PIAS1: variants seen among roughly 807,000 people sequenced by gnomAD.
PIAS1 encodes protein inhibitor of activated STAT 1.
In PIAS1, 6 loss-of-function variants were observed where a neutral mutation model predicts 71.3. That is an observed-to-expected ratio of 0.08 (90% confidence interval 0.05 to 0.17). The LOEUF (loss-of-function observed/expected upper bound fraction) is 0.17, where lower values mean the gene tolerates loss of function less well. Among genes scored for constraint, PIAS1 ranks in the 10% least tolerant of loss-of-function variants. PIAS1 has a pLI of 1.00. For synonymous variants in PIAS1, 303 were observed against 292.9 expected (o/e 1.03, Z -0.35); for missense variants, 555 against 793.6 (o/e 0.70, Z 3.61).
At chr15:68,125,165 TC>T (rs1452416473) in intron 2 of PIAS1, among the ~76,000 whole-genome samples, 2 of 152,142 alleles carry the variant, frequency 1.3e-5, no homozygotes, top group East Asian at 3.8e-4. Flanking sequence ...TCTTTTTTTT[TC>T]CCCCTGTGTA....
chr15:68,154,107 C>T (rs1380751816), intron 7 of PIAS1: 1 of 161,364 alleles, frequency 6.2e-6, no homozygotes, highest in African/African-American at 2.4e-5. Context: ...AATAATAATT[C>T]TGCCATTAAT....
chr15:68,145,542 T>C (rs1255062525), intron 4 of PIAS1, among the ~76,000 whole-genome samples: 1 of 152,120 alleles, frequency 6.6e-6, no homozygotes, highest in East Asian at 1.9e-4. Flanking sequence ...CTGAAGAAAC[T>C]AGTGCTTCTC....
intron 1 of PIAS1, among the ~76,000 whole-genome samples, chr15:68,059,071 C>A (rs1251453278): frequency 7.2e-6 from 1 of 138,170 alleles, no homozygotes; most frequent in Non-Finnish European, 1.5e-5. Context: ...GTGGCGCGAT[C>A]TCGGCGCACT....
Position 68,175,780 on chromosome 15 carries a change from T to C in PIAS1, c.1300+13T>C. ...AATGGAGTCGATGGTGAGTAGTTCT[T>C]CACAAGGAAGAGGCAGTCTCCCTAC... On this transcript the variant is annotated intron_variant, in intron 10 of 13. Coordinates refer to ENST00000249636, the MANE Select transcript of PIAS1 (RefSeq NM_016166.3). 2 of 1,590,456 alleles carry C rather than the reference T, an allele frequency of 1.3e-6. No individual in the cohort carries two copies. The highest frequency in any genetic ancestry group is 1.8e-5 in the Admixed American group (1 of 57,060).
chr15:68,067,050 T>C (rs527713755), intron 1 of PIAS1, among the ~76,000 whole-genome samples: 243 of 152,290 alleles, frequency 1.6e-3, no homozygotes, highest in Non-Finnish European at 2.4e-3. Context: ...CTTATGAGTA[T>C]GCAGACTTTG....
intron 8 of PIAS1, among the ~76,000 whole-genome samples, chr15:68,165,851 G>A (rs1049298425): frequency 2.0e-5 from 3 of 151,998 alleles, no homozygotes; most frequent in Admixed American, 6.6e-5. Context: ...TTTTAAATTT[G>A]GGAGAAAGAA....
chr15:68,141,873 GT>G (rs879062649), intron 2 of PIAS1, 72 bp from the exon 3 acceptor site: 28,104 of 610,078 alleles, frequency 0.046, 2 homozygotes, highest in East Asian at 0.093. Flanking sequence ...AGACATGTGT[GT>G]TTTTTTTTTT....
intron 1 of PIAS1, among the ~76,000 whole-genome samples, chr15:68,077,853 C>G (rs748900835): frequency 1.1e-4 from 16 of 152,234 alleles, no homozygotes; most frequent in Admixed American, 2.0e-4. Flanking sequence ...AGTACCACCC[C>G]TCTAGGACTT....
chr15:68,068,641 A>G (rs2092056933), intron 1 of PIAS1, among the ~76,000 whole-genome samples: 1 of 151,642 alleles, frequency 6.6e-6, no homozygotes, highest in Non-Finnish European at 1.5e-5. Flanking sequence ...TTAGTAGAGA[A>G]GGGATTTTGC....
chr15:68,145,941 C>A, intron 5 of PIAS1, 35 bp downstream of exon 5: 4 of 1,141,346 alleles, frequency 3.5e-6, no homozygotes, highest in Non-Finnish European at 5.3e-6. Flanking sequence ...AAATTCATTG[C>A]CAACATAACT....
At chr15:68,147,209 G>A (rs78409630) in intron 6 of PIAS1, among the ~76,000 whole-genome samples, 4,482 of 152,208 alleles carry the variant, frequency 0.029, 150 homozygotes, top group African/African-American at 0.082. Context: ...TTCTCCAAAG[G>A]TGTTGTACAA....
chr15:68,098,311 A>G (rs574684777), intron 2 of PIAS1, among the ~76,000 whole-genome samples: 5 of 152,346 alleles, frequency 3.3e-5, no homozygotes, highest in Non-Finnish European at 5.9e-5. Context: ...AGAAACTGTT[A>G]CTAAGAAAAT....
intron 6 of PIAS1, among the ~76,000 whole-genome samples, chr15:68,147,571 C>T (rs913456127): frequency 6.6e-6 from 1 of 152,118 alleles, no homozygotes; most frequent in African/African-American, 2.4e-5. Context: ...ACAAAGTTTT[C>T]GTATAGCCAA....
chr15:68,087,020 G>C (rs956132491), intron 2 of PIAS1, among the ~76,000 whole-genome samples: 1 of 152,138 alleles, frequency 6.6e-6, no homozygotes, highest in African/African-American at 2.4e-5. Flanking sequence ...TTAGAAGGTT[G>C]ATTAATATTT....
chr15:68,137,413 C>G (rs2092740987), intron 2 of PIAS1, among the ~76,000 whole-genome samples: 1 of 151,852 alleles, frequency 6.6e-6, no homozygotes, highest in African/African-American at 2.4e-5. Flanking sequence ...CATATTGTAT[C>G]TATAGTTTGA....
chr15:68,169,095 CCT>C (rs2092974704), intron 8 of PIAS1, among the ~76,000 whole-genome samples: 7 of 152,134 alleles, frequency 4.6e-5, no homozygotes, highest in African/African-American at 1.7e-4. Flanking sequence ...AGTTCATAAA[CCT>C]TGTGTACTAT....
Position 68,086,523 on chromosome 15 carries a change from A to T in PIAS1, c.242A>T (p.His81Leu), listed in dbSNP as rs1283872273. ...GCAGACTTGTCCATCCCCAACGTACATTCAAGTCCTATGCCAGCAACTTTG... is the reference window on the plus strand; with the variant it reads ...GCAGACTTGTCCATCCCCAACGTACTTTCAAGTCCTATGCCAGCAACTTTG... ...TPADLSIPNV[H>L]SSPMPATLSP... Residue 81 changes from histidine to leucine, a missense_variant, in exon 2 of 14, where the codon CAT becomes CTT. This residue lies in a region of PIAS1 where 80 missense variants were observed against 66.9 expected (regional missense o/e 1.20). Transcript: ENST00000249636. The surrounding 1 kb of genome is among the most constrained non-coding windows in gnomAD (Gnocchi z 7.2). 2 of 1,613,836 alleles carry T rather than the reference A, an allele frequency of 1.2e-6. No individual in the cohort carries two copies. Among genetic ancestry groups the T allele is most frequent in the South Asian group, 1.1e-5 (1 of 91,080 alleles).
intron 1 of PIAS1, among the ~76,000 whole-genome samples, chr15:68,066,052 G>A (rs1246648342): frequency 1.3e-5 from 2 of 148,354 alleles, no homozygotes; most frequent in African/African-American, 2.5e-5. Flanking sequence ...ACTGCACCTG[G>A]CTTGAAGTAC....
chr15:68,068,893 C>CTTT lies in PIAS1; in HGVS notation c.24+14561_24+14563dup, dbSNP rs11298983. 8.7e-3 allele frequency among the ~76,000 whole-genome samples: 666 copies of CTTT among 76,598 alleles called. 1 individual carries two copies. The highest frequency in any genetic ancestry group is 0.03 in the East Asian group (83 of 2,806). The allele number at this position is 76,598 out of a possible 152,430, so 50.3% of individuals were successfully genotyped here. A position where few individuals can be genotyped will look rare whatever the true frequency, so the allele number is the denominator to read the frequency against. ...GTGTTACACCTTAAATGTTTTTGTC[C>CTTT]TTTTTTTTTTTTTTTTTTTTGAGGT... On this transcript the variant is annotated intron_variant, in intron 1 of 13. Transcript: ENST00000249636.
Sources: allele counts gnomAD v4.1 joint callset (sites outside exome capture counted in the v4.1 genomes callset), GRCh38; gene constraint gnomAD v4.1.1; regional missense constraint gnomAD v4.1.1; non-coding constraint Gnocchi (gnomAD v3.1); transcripts MANE v1.5; gene names NCBI Gene and HGNC (gene_info 2026-07-23, HGNC 2026-07-21).